ADD3: variants seen among roughly 807,000 people sequenced by gnomAD.
ADD3 encodes adducin 3, also known as gamma-adducin.
A neutral mutation model predicts 80.2 loss-of-function variants in ADD3; 25 were observed. The ratio of observed to expected loss-of-function variants is 0.31; its 90% CI spans 0.23 to 0.44. ADD3 has a LOEUF of 0.44. Among genes scored for constraint, ADD3 ranks in the 20% least tolerant of loss-of-function variants. The pLI is 1.00. For missense variants in ADD3, 829 were observed against 847.5 expected (o/e 0.98, Z 0.27); for synonymous variants, 284 against 289.6 (o/e 0.98, Z 0.20).
intron 1 of ADD3, among the ~76,000 whole-genome samples, chr10:110,009,511 T>C (rs1852074547): frequency 6.6e-6 from 1 of 152,222 alleles, no homozygotes; most frequent in African/African-American, 2.4e-5. Flanking sequence ...AATTAAGTTA[T>C]GGGACCAACC....
At chr10:110,017,705 C>G (rs1853162498) in intron 1 of ADD3, among the ~76,000 whole-genome samples, 1 of 152,060 alleles carries the variant, frequency 6.6e-6, no homozygotes, top group African/African-American at 2.4e-5. Flanking sequence ...TCCTGAGGTC[C>G]TAGGGGAAAC....
chr10:110,096,505 A>G (rs539489253), intron 1 of ADD3, among the ~76,000 whole-genome samples: 53 of 152,144 alleles, frequency 3.5e-4, no homozygotes, highest in Non-Finnish European at 6.9e-4. Flanking sequence ...GTGTTTAACA[A>G]TTTATTATTT....
At chr10:110,082,178 G>A (rs187902420) in intron 1 of ADD3, among the ~76,000 whole-genome samples, 2 of 151,960 alleles carry the variant, frequency 1.3e-5, no homozygotes, top group East Asian at 1.9e-4. Flanking sequence ...GGCTATTAAC[G>A]TTTTAGAACA....
chr10:110,007,409 T>C (rs1851729275), upstream of ADD3, among the ~76,000 whole-genome samples: 1 of 152,136 alleles, frequency 6.6e-6, no homozygotes, highest in Non-Finnish European at 1.5e-5. Context: ...TGCAGTGGCC[T>C]CCTACAGCCC....
At chr10:110,068,295 C>G (rs1334364135) in intron 1 of ADD3, among the ~76,000 whole-genome samples, 1 of 152,184 alleles carries the variant, frequency 6.6e-6, no homozygotes, top group African/African-American at 2.4e-5. Flanking sequence ...ACCTCCCCCC[C>G]TCCTTTCTCT....
chr10:110,007,463 TCAGCC>T (rs1851736138), upstream of ADD3, among the ~76,000 whole-genome samples: 1 of 152,186 alleles, frequency 6.6e-6, no homozygotes, highest in African/African-American at 2.4e-5. Context: ...AAGCGGCGGC[TCAGCC>T]TCGGGAGTAG....
chr10:110,058,859 T>G (rs1262235596), intron 1 of ADD3, among the ~76,000 whole-genome samples: 1 of 152,190 alleles, frequency 6.6e-6, no homozygotes, highest in Non-Finnish European at 1.5e-5. Context: ...AGTGGAACTG[T>G]AGGAAGGATC....
chr10:110,059,668 C>T (rs1858642122), intron 1 of ADD3, among the ~76,000 whole-genome samples: 1 of 152,120 alleles, frequency 6.6e-6, no homozygotes, highest in Non-Finnish European at 1.5e-5. Flanking sequence ...ACTCGGGAGG[C>T]TGAGGCAGAA....
chr10:110,100,231 T>A (rs1010601159), intron 1 of ADD3, among the ~76,000 whole-genome samples: 1 of 151,120 alleles, frequency 6.6e-6, no homozygotes, highest in African/African-American at 2.4e-5. Flanking sequence ...GCGCCTGTAG[T>A]CCCAACTACT....
At chr10:110,032,940 A>G (rs1306656889) in intron 1 of ADD3, among the ~76,000 whole-genome samples, 1 of 152,248 alleles carries the variant, frequency 6.6e-6, no homozygotes, top group Non-Finnish European at 1.5e-5. Flanking sequence ...GTTAAATTAA[A>G]TAGCCAATTT....
intron 2 of ADD3, among the ~76,000 whole-genome samples, chr10:110,105,001 C>CT (rs940142860): frequency 1.3e-5 from 2 of 152,142 alleles, no homozygotes; most frequent in African/African-American, 4.8e-5. Flanking sequence ...AAGCCTGCTG[C>CT]TTAAGTTAAT....
At chr10:110,016,836 C>T (rs578220973) in intron 1 of ADD3, among the ~76,000 whole-genome samples, 1 of 152,168 alleles carries the variant, frequency 6.6e-6, no homozygotes, top group African/African-American at 2.4e-5. Context: ...ATGGGTAGAA[C>T]TGGAGGTAGT....
chr10:110,125,366 C>T (rs1300202157), intron 10 of ADD3, among the ~76,000 whole-genome samples: 1 of 151,914 alleles, frequency 6.6e-6, no homozygotes, highest in Non-Finnish European at 1.5e-5. Context: ...AGGGCTTGGC[C>T]TTTTCTGTCA....
intron 8 of ADD3, among the ~76,000 whole-genome samples, chr10:110,120,587 C>A (rs2134135134): frequency 6.6e-6 from 1 of 152,008 alleles, no homozygotes; most frequent in East Asian, 1.9e-4. Context: ...GGGTATATAC[C>A]CAGTAATGGA....
At position 110,097,805 on chromosome 10, in the gene ADD3, C is replaced by T. The variant is rs538223210; in HGVS notation, c.-29-2820C>T. Among the ~76,000 whole-genome samples the T allele has an allele frequency of 1.4e-4, 20 of 146,586 alleles. No individual in the cohort carries two copies. The East Asian group carries it at 2.4e-3, about 17-fold the overall frequency. ...TTTTTTTTTTTTTGAGATAGAGTCTCGCTCTGTCACCCAGGCTGGAGTGCA... is the reference window on the plus strand; with the variant it reads ...TTTTTTTTTTTTTGAGATAGAGTCTTGCTCTGTCACCCAGGCTGGAGTGCA... On this transcript the variant is annotated intron_variant, in intron 1 of 14. Coordinates refer to ENST00000356080, the MANE Select transcript of ADD3 (RefSeq NM_016824.5).
At chr10:110,080,395 C>T (rs1845934391) in intron 1 of ADD3, among the ~76,000 whole-genome samples, 1 of 152,162 alleles carries the variant, frequency 6.6e-6, no homozygotes, top group South Asian at 2.1e-4. Context: ...TATGAAGTTT[C>T]TCATATTTAA....
intron 1 of ADD3, among the ~76,000 whole-genome samples, chr10:109,999,161 G>A (rs1406680760): frequency 1.3e-5 from 2 of 152,162 alleles, no homozygotes; most frequent in African/African-American, 4.8e-5. Flanking sequence ...GGGTGTTTCA[G>A]GGTTTGGGGA....
At chr10:109,996,762 G>A (rs1430221243) in intron 1 of ADD3, among the ~76,000 whole-genome samples, 1 of 152,166 alleles carries the variant, frequency 6.6e-6, no homozygotes. Flanking sequence ...AAATAAAAGT[G>A]TAGACAGTTT....
chr10:110,027,603 T>C (rs554785369), intron 1 of ADD3, among the ~76,000 whole-genome samples: 2 of 152,318 alleles, frequency 1.3e-5, no homozygotes, highest in South Asian at 4.1e-4. Context: ...CAGTTCAAGT[T>C]TTCAGTAGTC....
Sources: allele counts gnomAD v4.1 joint callset (sites outside exome capture counted in the v4.1 genomes callset), GRCh38; gene constraint gnomAD v4.1.1; transcripts MANE v1.5; gene names NCBI Gene and HGNC (gene_info 2026-07-23, HGNC 2026-07-21).